Variants in TCFL5 observed in about 807,000 individuals in gnomAD.
The protein encoded by TCFL5 is transcription factor like 5.
A neutral mutation model predicts 44.3 loss-of-function variants in TCFL5; 9 were observed. The ratio of observed to expected loss-of-function variants is 0.20; its 90% CI spans 0.12 to 0.35. The LOEUF (loss-of-function observed/expected upper bound fraction) is 0.35, where lower values mean the gene tolerates loss of function less well. Ranked by LOEUF, TCFL5 falls within the 10% of genes least tolerant of loss-of-function variation. The pLI is 1.00. For missense variants in TCFL5, 603 were observed against 613.4 expected, an observed-to-expected ratio of 0.98 and a Z score of 0.18; for synonymous variants, 319 against 271.6, an observed-to-expected ratio of 1.17 and a Z score of -1.72.
intron 4 of TCFL5, among the ~76,000 whole-genome samples, chr20:62,857,127 C>T (rs1199815770): frequency 6.6e-6 from 1 of 152,220 alleles, no homozygotes; most frequent in Non-Finnish European, 1.5e-5. Context: ...CCCCACGCGC[C>T]TTTGCTGATC....
chr20:62,852,186 A>C (rs1329551803), intron 5 of TCFL5: 4 of 985,356 alleles, frequency 4.1e-6, no homozygotes, highest in African/African-American at 1.7e-5. Context: ...CTGGGTCAAC[A>C]GCAGCAATTC....
chr20:62,861,308 C>A lies in TCFL5; in HGVS notation c.363G>T (p.Leu121=), dbSNP rs757745309. 2 of 1,173,296 alleles carry A rather than the reference C, an allele frequency of 1.7e-6. No homozygotes were observed. Among genetic ancestry groups the A allele is most frequent in the South Asian group, 2.0e-5 (1 of 49,274 alleles). 72.7% of individuals were successfully genotyped at this position (1,173,296 alleles called of 1,614,324 possible). A position where few individuals can be genotyped will look rare whatever the true frequency, so the allele number is the denominator to read the frequency against. ...PSALAADAPC[L]GHIDFQELRM... ...GCAGCTCCTGGAAGTCGATGTGGCC[C>A]AGGCAGGGCGCGTCGGCCGCCAGCG... Residue 121 remains leucine, a synonymous_variant, in exon 1 of 6, where the codon CTG becomes CTT. Transcript: ENST00000335351. The surrounding 1 kb of genome is among the most constrained non-coding windows in gnomAD (Gnocchi z 4.0).
intron 1 of TCFL5, 25 bp from the exon 2 acceptor site, chr20:62,860,333 A>C: frequency 6.3e-7 from 1 of 1,590,396 alleles, no homozygotes; most frequent in Non-Finnish European, 8.6e-7. Flanking sequence ...GAAAGCCCAG[A>C]AGTGTCAGCA....
In TCFL5 at chr20:62,859,255, T is replaced by G; in HGVS notation, c.994+109A>C. The G allele has an allele frequency of 2.8e-6, 3 of 1,089,812 alleles. No homozygotes were observed. The East Asian group carries it at 7.2e-5, about 26-fold the overall frequency. The allele number at this position is 1,089,812 out of a possible 1,614,324, so 67.5% of individuals were successfully genotyped here. On this transcript the variant is annotated intron_variant, in intron 3 of 5. Coordinates refer to ENST00000335351, the MANE Select transcript of TCFL5 (RefSeq NM_006602.4). ...ATACACAGACACCTCCAAGACTGTT[T>G]CACATGTGTACAAACCATCTGTCTC...
At chr20:62,845,928 T>G (rs768557871) in intron 5 of TCFL5, 6 of 1,495,058 alleles carry the variant, frequency 4.0e-6, no homozygotes, top group Non-Finnish European at 5.4e-6. Flanking sequence ...CCTTCAGGAA[T>G]CCGAACCCTG....
chr20:62,851,276 G>A (rs1214587815), intron 5 of TCFL5, among the ~76,000 whole-genome samples: 2 of 152,112 alleles, frequency 1.3e-5, no homozygotes, highest in Non-Finnish European at 2.9e-5. Context: ...ATGTGACCCA[G>A]AAGTAATCAG....
Position 62,861,199 on chromosome 20 carries a change from C to A in TCFL5, c.472G>T (p.Ala158Ser). The change falls in exon 1 of 6, where the codon GCC (alanine) becomes TCC (serine). Residue 158 changes from alanine (A) to serine (S), a missense_variant. By Grantham distance (99) the Ala-to-Ser change is moderately conservative. Transcript: ENST00000335351. The surrounding 1 kb of genome is among the most constrained non-coding windows in gnomAD (Gnocchi z 4.0). ...DGARARADGA[A>S]KEGAGAAAAA... ...GCAGCCGCGCCCGCGCCCTCCTTGG[C>A]GGCGCCGTCGGCCCGGGCCCTCGCT... 1.9e-6 allele frequency: 2 copies of A among 1,049,986 alleles called. No individual in the cohort carries two copies. Among genetic ancestry groups the A allele is most frequent in the South Asian group, 3.8e-5 (1 of 26,646 alleles). The allele number at this position is 1,049,986 out of a possible 1,614,324, so 65.0% of individuals were successfully genotyped here. A position where few individuals can be genotyped will look rare whatever the true frequency, so the allele number is the denominator to read the frequency against.
At chr20:62,856,265 A>AGAAAAAG (rs1477979927) in intron 4 of TCFL5, among the ~76,000 whole-genome samples, 1 of 149,836 alleles carries the variant, frequency 6.7e-6, no homozygotes, top group African/African-American at 2.5e-5. Context: ...AAAAAAAAAA[A>AGAAAAAG]AAAAAGAAAA....
In TCFL5 at chr20:62,843,826, T is replaced by C. The variant is rs187345923; in HGVS notation, c.1381-1729A>G. Among the ~76,000 whole-genome samples, 10 of 152,330 alleles carry C rather than the reference T, an allele frequency of 6.6e-5. No individual in the cohort carries two copies. The East Asian group carries it at 1.9e-3, about 29-fold the overall frequency. On this transcript the variant is annotated intron_variant, in intron 5 of 5. Transcript: ENST00000335351. ...GAATCTGACGGCTCTAGGTGCCTTGTTTACGGAATCCCGCAGGGTGTGCCC... is the reference window on the plus strand; with the variant it reads ...GAATCTGACGGCTCTAGGTGCCTTGCTTACGGAATCCCGCAGGGTGTGCCC...
chr20:62,852,560 G>A lies in TCFL5; in HGVS notation c.1380+1456C>T, dbSNP rs1447616025. On this transcript the variant is annotated intron_variant, in intron 5 of 5. Coordinates refer to ENST00000335351, the MANE Select transcript of TCFL5 (RefSeq NM_006602.4). ...GCCACTGCCACGACCACACAGACAG[G>A]ATCACGGCAGGCTGGCTGTCCTGAG... 7 of 985,484 alleles carry A rather than the reference G, an allele frequency of 7.1e-6. No homozygotes were observed. The African/African-American group carries it at 8.7e-5, about 12-fold the overall frequency. 61.0% of individuals were successfully genotyped at this position (985,484 alleles called of 1,614,324 possible). A position where few individuals can be genotyped will look rare whatever the true frequency, so the allele number is the denominator to read the frequency against.
At chr20:62,852,816 G>A (rs796278173) in intron 5 of TCFL5, 64 of 1,286,150 alleles carry the variant, frequency 5.0e-5, no homozygotes, top group Middle Eastern at 2.1e-4. Flanking sequence ...TATATTCACC[G>A]AGTCCACAAA....
chr20:62,845,008 G>A, intron 5 of TCFL5: 1 of 986,064 alleles, frequency 1.0e-6, no homozygotes, highest in Non-Finnish European at 1.2e-6. Flanking sequence ...GGAGTGACTG[G>A]AACATTCCAC....
chr20:62,852,325 C>T (rs1012533528), intron 5 of TCFL5: 30 of 985,158 alleles, frequency 3.0e-5, no homozygotes, highest in South Asian at 4.7e-5. Context: ...ACCTGGAACT[C>T]GGGTCCCCCA....
At chr20:62,848,224 A>G (rs1419258617) in intron 5 of TCFL5, among the ~76,000 whole-genome samples, 4 of 152,140 alleles carry the variant, frequency 2.6e-5, no homozygotes, top group Admixed American at 2.0e-4. Context: ...TGGTGTGAAG[A>G]AGGGAGGGAC....
At chr20:62,857,783 T>G in intron 3 of TCFL5, 145 bp from the exon 4 acceptor site, 1 of 1,015,458 alleles carries the variant, frequency 9.8e-7, no homozygotes, top group African/African-American at 1.6e-5. Flanking sequence ...GATGTACTAA[T>G]GCAGTTTTTC....
intron 4 of TCFL5, among the ~76,000 whole-genome samples, chr20:62,857,045 G>C (rs1440894325): frequency 6.6e-6 from 1 of 152,176 alleles, no homozygotes; most frequent in Non-Finnish European, 1.5e-5. Flanking sequence ...ACATGGCTGG[G>C]GGCATGAGGG....
intron 3 of TCFL5, 152 bp downstream of exon 3, chr20:62,859,212 G>A: frequency 3.1e-6 from 2 of 640,582 alleles, no homozygotes; most frequent in Non-Finnish European, 5.2e-6. Flanking sequence ...CAGGGAAGCG[G>A]GTGGACAGAC....
intron 5 of TCFL5, among the ~76,000 whole-genome samples, chr20:62,850,865 C>T (rs1425397325): frequency 6.6e-6 from 1 of 152,164 alleles, no homozygotes; most frequent in African/African-American, 2.4e-5. Context: ...CCTCGACCAC[C>T]CAACATCACC....
intron 1 of TCFL5, 75 bp downstream of exon 1, chr20:62,860,949 T>A (rs1198162617): frequency 3.1e-6 from 3 of 973,342 alleles, no homozygotes; most frequent in South Asian, 9.2e-5. Context: ...GGGCCCCCTT[T>A]GCCTCCGCCC....
Sources: gnomAD v4.1 joint callset for allele counts (sites outside exome capture counted in the v4.1 genomes callset) on GRCh38, gnomAD v4.1.1 for gene constraint, Gnocchi (gnomAD v3.1) non-coding constraint, MANE v1.5 for transcripts, NCBI Gene and HGNC (gene_info 2026-07-23, HGNC 2026-07-21) for gene names.